The following RYR3 variants were observed in gnomAD, a reference collection of about 807,000 sequenced individuals.
RYR3 encodes brain ryanodine receptor-calcium release channel.
In RYR3, 207 loss-of-function variants were observed where a neutral mutation model predicts 584.3. That is an observed-to-expected ratio of 0.35 (90% confidence interval 0.32 to 0.40). The LOEUF is 0.40. Ranked by LOEUF, RYR3 falls within the 10% of genes least tolerant of loss-of-function variation. The probability of loss-of-function intolerance (pLI) is 1.00; values close to 1 mark genes in which losing one functional copy is unlikely to be tolerated. For synonymous variants in RYR3, 2,416 were observed against 2,248.5 expected, an observed-to-expected ratio of 1.07 and a Z score of -2.11; for missense variants, 5,616 against 6,089.2, an observed-to-expected ratio of 0.92 and a Z score of 2.59.
chr15:33,742,938 G>C (rs1047856852), intron 52 of RYR3, among the ~76,000 whole-genome samples: 6 of 152,124 alleles, frequency 3.9e-5, no homozygotes, highest in Non-Finnish European at 8.8e-5. Context: ...TATTAATAAG[G>C]CTCTCCATCT....
At chr15:33,826,647 C>T (rs2077392705) in intron 83 of RYR3, 25 bp from the exon 84 acceptor site, 4 of 1,585,956 alleles carry the variant, frequency 2.5e-6, no homozygotes, top group Non-Finnish European at 3.5e-6. Flanking sequence ...CAAACCAATG[C>T]TCATCAACGT....
At chr15:33,692,661 A>C (rs1359223316) in intron 38 of RYR3, among the ~76,000 whole-genome samples, 1 of 149,610 alleles carries the variant, frequency 6.7e-6, no homozygotes, top group Non-Finnish European at 1.5e-5. Flanking sequence ...TTGGTCACAC[A>C]TAAATATTTA....
chr15:33,826,694 C>T lies in RYR3; in HGVS notation c.11187C>T (p.Asp3729=), dbSNP rs959241453. The T allele has an allele frequency of 7.4e-6, 12 of 1,613,706 alleles. No individual in the cohort carries two copies. Among genetic ancestry groups the T allele is most frequent in the African/African-American group, 2.7e-5 (2 of 74,906 alleles). The stretch of plus-strand genomic sequence containing the variant: ...AAGGTGAAAAAGTACTCCAGAATGA[C>T]GAGTTCACGCGTGATCTCTTTAGAT... ...RERGEKVLQN[D]EFTRDLFRFL... The change falls in exon 84 of 104, where the codon GAC becomes GAT. Residue 3729 remains aspartate (D), a synonymous_variant. Transcript: ENST00000634891.
chr15:33,683,026 G>T (rs1013145637), intron 38 of RYR3, among the ~76,000 whole-genome samples: 2 of 150,718 alleles, frequency 1.3e-5, no homozygotes, highest in Non-Finnish European at 2.9e-5. Flanking sequence ...ATGGAGTCTC[G>T]CTCTGTTGCC....
chr15:33,752,195 AT>A (rs752447258), intron 57 of RYR3, among the ~76,000 whole-genome samples: 3 of 152,008 alleles, frequency 2.0e-5, no homozygotes. Flanking sequence ...TTTGCTTAGG[AT>A]TGTCTTGGCT....
intron 18 of RYR3, among the ~76,000 whole-genome samples, chr15:33,611,531 G>A (rs1364162825): frequency 1.3e-5 from 2 of 151,338 alleles, no homozygotes; most frequent in Non-Finnish European, 2.9e-5. Flanking sequence ...ACTCCAGCCT[G>A]GGCGACAGAG....
intron 43 of RYR3, among the ~76,000 whole-genome samples, chr15:33,717,577 A>G (rs1230444566): frequency 6.6e-6 from 1 of 152,198 alleles, no homozygotes; most frequent in East Asian, 1.9e-4. Context: ...TACCTGGGCC[A>G]CTCTAAGTTG....
At chr15:33,768,831 C>T in intron 61 of RYR3, 124 bp downstream of exon 61, 3 of 927,488 alleles carry the variant, frequency 3.2e-6, no homozygotes, top group South Asian at 1.4e-5. Context: ...CTAAATTTGC[C>T]ATAGAAAATT....
At chr15:33,521,067 T>C (rs1437909701) in intron 3 of RYR3, among the ~76,000 whole-genome samples, 1 of 152,150 alleles carries the variant, frequency 6.6e-6, no homozygotes, top group Admixed American at 6.6e-5. Context: ...GTTGCACATT[T>C]GGAGTTTAAG....
intron 11 of RYR3, among the ~76,000 whole-genome samples, chr15:33,563,644 A>G (rs2057537662): frequency 6.6e-6 from 1 of 152,188 alleles, no homozygotes; most frequent in Non-Finnish European, 1.5e-5. Flanking sequence ...TTCCTGAAAT[A>G]CCCTTATAAA....
At chr15:33,572,688 C>CATAT (rs1555533721) in intron 12 of RYR3, among the ~76,000 whole-genome samples, 46 of 131,468 alleles carry the variant, frequency 3.5e-4, no homozygotes, top group East Asian at 6.6e-4. Context: ...CACACACACA[C>CATAT]ACTGGGCTGG....
chr15:33,484,693 T>C (rs536737943), intron 2 of RYR3, among the ~76,000 whole-genome samples: 22 of 152,230 alleles, frequency 1.4e-4, no homozygotes, highest in African/African-American at 4.6e-4. Context: ...GCTAGAGTTA[T>C]AGGTTTTAGC....
At chr15:33,860,553 A>T in intron 100 of RYR3, 42 bp from the exon 101 acceptor site, 1 of 1,237,612 alleles carries the variant, frequency 8.1e-7, no homozygotes, top group Non-Finnish European at 1.1e-6. Context: ...CTACCCCTGA[A>T]CCACTACACA....
rs146661828 is a variant in RYR3 at position 33,814,625 on chromosome 15, G to A, written c.10502+1046G>A. Among the ~76,000 whole-genome samples the A allele has an allele frequency of 1.9e-3, 291 of 152,196 alleles. 1 individual carries two copies. The highest frequency in any genetic ancestry group is 6.5e-3 in the African/African-American group (268 of 41,530). Reference sequence around the variant, plus strand: ...TTAAGAATGATGGTCTCCGCCGGGCGCAGTGGCTCACTCCTGTAATCCTAG... The same window carrying A: ...TTAAGAATGATGGTCTCCGCCGGGCACAGTGGCTCACTCCTGTAATCCTAG... On this transcript the variant is annotated intron_variant, in intron 74 of 103. Coordinates refer to ENST00000634891, the MANE Select transcript of RYR3 (RefSeq NM_001036.6).
intron 3 of RYR3, among the ~76,000 whole-genome samples, chr15:33,521,008 C>T (rs2053940334): frequency 1.3e-5 from 2 of 152,144 alleles, no homozygotes. Flanking sequence ...AGGGCAAAGG[C>T]TCTTATTTTT....
chr15:33,724,971 G>A (rs2068237692), intron 45 of RYR3, among the ~76,000 whole-genome samples: 1 of 152,044 alleles, frequency 6.6e-6, no homozygotes, highest in Admixed American at 6.5e-5. Context: ...CTTGGCGGGG[G>A]TGGAGAGGGT....
intron 1 of RYR3, among the ~76,000 whole-genome samples, chr15:33,316,040 CAT>C (rs985796080): frequency 1.3e-5 from 2 of 151,916 alleles, no homozygotes; most frequent in African/African-American, 2.4e-5. Context: ...TGTTAAATAA[CAT>C]ATTTCACAAG....
At position 33,504,401 on chromosome 15, in the gene RYR3, T is replaced by A. The variant is rs555930332; in HGVS notation, c.279+663T>A. 2.4e-3 allele frequency among the ~76,000 whole-genome samples: 366 copies of A among 152,312 alleles called. 3 individuals carry two copies. The highest frequency in any genetic ancestry group is 8.3e-3 in the African/African-American group (344 of 41,572). Reference sequence around the variant, plus strand: ...CACATTCATTTTTATATATTTGTCATCAAATACTTTAATTCTACTGCCTGA... The same window carrying A: ...CACATTCATTTTTATATATTTGTCAACAAATACTTTAATTCTACTGCCTGA... On this transcript the variant is annotated intron_variant, in intron 3 of 103. Coordinates refer to ENST00000634891, the MANE Select transcript of RYR3 (RefSeq NM_001036.6).
rs374824581 is a variant in RYR3, at chr15:33,785,691, A to G, written c.9298A>G (p.Met3100Val). Reference protein sequence around the residue: ...ILGMPDTVEDMCPDIPQLEGL... With the variant: ...ILGMPDTVEDVCPDIPQLEGL... ...GGGGATGCCAGACACGGTAGAAGAC[A>G]TGTGTCCTGACATCCCCCAGCTGGA... Residue 3100 changes from methionine to valine, a missense_variant, in exon 66 of 104, where the codon ATG (methionine) becomes GTG (valine). This residue lies in a region of RYR3 where 954 missense variants were observed against 1,132.2 expected (regional missense o/e 0.84). Coordinates refer to ENST00000634891, the MANE Select transcript of RYR3 (RefSeq NM_001036.6). The G allele has an allele frequency of 5.0e-6, 8 of 1,609,224 alleles. No individual in the cohort carries two copies. In the African/African-American group the frequency reaches 6.7e-5, roughly 13 times the overall value.
Sources: gnomAD v4.1 joint callset for allele counts (sites outside exome capture counted in the v4.1 genomes callset) on GRCh38, gnomAD v4.1.1 for gene constraint, gnomAD v4.1.1 regional missense constraint, MANE v1.5 for transcripts, NCBI Gene and HGNC (gene_info 2026-07-23, HGNC 2026-07-21) for gene names.